The following RAB27B variants were observed in gnomAD, a reference collection of about 807,000 sequenced individuals.
RAB27B encodes the protein ras-related protein Rab-27B.
Under a neutral mutation model 24.6 loss-of-function variants are expected in RAB27B, and 15 were observed. The ratio of observed to expected loss-of-function variants is 0.61; its 90% CI spans 0.41 to 0.94. RAB27B has a LOEUF of 0.94. Among genes scored for constraint, RAB27B ranks in the 40% least tolerant of loss-of-function variants. The pLI, the probability that RAB27B is intolerant of heterozygous loss-of-function variation, is 0.00. For missense variants in RAB27B, 261 were observed against 266.8 expected (o/e 0.98, Z 0.15); for synonymous variants, 105 against 92.5 (o/e 1.14, Z -0.78).
At chr18:54,745,016 T>G (rs937589278) in intron 2 of RAB27B, 1 of 179,044 alleles carries the variant, frequency 5.6e-6, no homozygotes, top group African/African-American at 2.4e-5. Context: ...TGCTGAAGTT[T>G]GCTGCTACCA....
At chr18:54,783,651 G>A (rs1290928633) in intron 2 of RAB27B, among the ~76,000 whole-genome samples, 3 of 152,106 alleles carry the variant, frequency 2.0e-5, no homozygotes, top group Non-Finnish European at 4.4e-5. Flanking sequence ...AGGATGCACG[G>A]GTGTCTAATG....
At chr18:54,794,617 GA>G (rs1370623824) in intron 2 of RAB27B, among the ~76,000 whole-genome samples, 1 of 152,150 alleles carries the variant, frequency 6.6e-6, no homozygotes, top group Non-Finnish European at 1.5e-5. Flanking sequence ...AAAATTCTTG[GA>G]ATGGCTGTTC....
intron 2 of RAB27B, among the ~76,000 whole-genome samples, chr18:54,790,094 C>T (rs1359241561): frequency 1.3e-5 from 2 of 151,944 alleles, no homozygotes; most frequent in Non-Finnish European, 2.9e-5. Flanking sequence ...TCATTGAAAC[C>T]TGGTCATTCC....
At chr18:54,864,352 T>C (rs1912126601) in intron 1 of RAB27B, among the ~76,000 whole-genome samples, 2 of 152,234 alleles carry the variant, frequency 1.3e-5, no homozygotes, top group African/African-American at 4.8e-5. Context: ...TTTGGTTATT[T>C]GTCTTTTTAT....
intron 2 of RAB27B, among the ~76,000 whole-genome samples, chr18:54,765,467 T>A: frequency 6.6e-6 from 1 of 152,210 alleles, no homozygotes; most frequent in East Asian, 1.9e-4. Context: ...CAAATATGCA[T>A]TGGTCAACCT....
At chr18:54,758,061 G>A (rs1470058341) in intron 2 of RAB27B, among the ~76,000 whole-genome samples, 5 of 151,990 alleles carry the variant, frequency 3.3e-5, no homozygotes, top group Admixed American at 2.6e-4. Flanking sequence ...TGAGTATTAG[G>A]TGTAAGATCA....
chr18:54,774,902 T>C (rs1908668405), intron 2 of RAB27B, among the ~76,000 whole-genome samples: 1 of 152,240 alleles, frequency 6.6e-6, no homozygotes, highest in African/African-American at 2.4e-5. Context: ...TGTGTTTTGT[T>C]CACTGCTGCA....
chr18:54,750,247 A>G (rs1907787704), intron 2 of RAB27B, among the ~76,000 whole-genome samples: 1 of 152,192 alleles, frequency 6.6e-6, no homozygotes, highest in South Asian at 2.1e-4. Context: ...TAGAAAACAA[A>G]TATTCTATTT....
At chr18:54,719,023 G>C (rs1254955256) in intron 2 of RAB27B, among the ~76,000 whole-genome samples, 3 of 145,304 alleles carry the variant, frequency 2.1e-5, no homozygotes, top group African/African-American at 4.9e-5. Context: ...AGTTCTGCTA[G>C]TGGACAATTC....
At chr18:54,799,614 A>ATTTTTTTTTTTTTTTTTTTTT (rs869256244) in intron 2 of RAB27B, among the ~76,000 whole-genome samples, 1 of 67,526 alleles carries the variant, frequency 1.5e-5, no homozygotes, top group African/African-American at 6.0e-5. Flanking sequence ...TAATAAAATG[A>ATTTTTTTTTTTTTTTTTTTTT]TTTTTTTTTT....
At chr18:54,768,559 A>G (rs1227766328) in intron 2 of RAB27B, among the ~76,000 whole-genome samples, 1 of 152,092 alleles carries the variant, frequency 6.6e-6, no homozygotes, top group African/African-American at 2.4e-5. Context: ...AAGGTAATCA[A>G]TGTCAGCAAT....
intron 2 of RAB27B, among the ~76,000 whole-genome samples, chr18:54,776,937 C>T (rs1366687701): frequency 2.0e-5 from 3 of 151,918 alleles, no homozygotes; most frequent in Non-Finnish European, 2.9e-5. Flanking sequence ...CTCAGCTACT[C>T]GGGAGGTTGA....
chr18:54,753,489 C>A (rs1907901719), intron 2 of RAB27B, among the ~76,000 whole-genome samples: 1 of 151,988 alleles, frequency 6.6e-6, no homozygotes, highest in Non-Finnish European at 1.5e-5. Flanking sequence ...TCTAATGTAC[C>A]CATCTCAGTG....
intron 2 of RAB27B, among the ~76,000 whole-genome samples, chr18:54,760,992 A>G (rs1227984800): frequency 9.2e-6 from 1 of 108,578 alleles, no homozygotes; most frequent in Non-Finnish European, 2.2e-5. Flanking sequence ...AAGGAGAGGT[A>G]TTCTTTTTTT....
At chr18:54,773,800 G>T (rs557898752) in intron 2 of RAB27B, among the ~76,000 whole-genome samples, 1 of 151,480 alleles carries the variant, frequency 6.6e-6, no homozygotes, top group East Asian at 1.9e-4. Flanking sequence ...TCAGCCTCCC[G>T]AGTAGCTGGG....
At chr18:54,862,875 A>G (rs867605812) in intron 1 of RAB27B, among the ~76,000 whole-genome samples, 3 of 152,254 alleles carry the variant, frequency 2.0e-5, no homozygotes, top group Non-Finnish European at 4.4e-5. Context: ...ACTTTGTCAA[A>G]TAACAAACAT....
chr18:54,815,325 G>A (rs966894302), intron 2 of RAB27B, among the ~76,000 whole-genome samples: 14 of 152,154 alleles, frequency 9.2e-5, no homozygotes, highest in Admixed American at 7.9e-4. Flanking sequence ...TTAAACTTGA[G>A]CAGAAACAGG....
chr18:54,784,655 T>C (rs985634963), intron 2 of RAB27B, among the ~76,000 whole-genome samples: 2 of 152,216 alleles, frequency 1.3e-5, no homozygotes, highest in African/African-American at 2.4e-5. Flanking sequence ...TGTTCTTTTT[T>C]TATGGCTGCG....
intron 1 of RAB27B, among the ~76,000 whole-genome samples, chr18:54,845,722 A>T (rs1911310186): frequency 6.6e-6 from 1 of 152,014 alleles, no homozygotes; most frequent in Non-Finnish European, 1.5e-5. Context: ...ACAGAACAGA[A>T]CCCTCCTTTC....
Sources: allele counts gnomAD v4.1 joint callset (sites outside exome capture counted in the v4.1 genomes callset), GRCh38; gene constraint gnomAD v4.1.1; transcripts MANE v1.5; gene names NCBI Gene and HGNC (gene_info 2026-07-23, HGNC 2026-07-21).